Variants in LRP1B observed in about 807,000 individuals in gnomAD.
LRP1B encodes the protein LDL receptor related protein 1B, also known as low-density lipoprotein receptor-related protein 1B.
Under a neutral mutation model 556.6 loss-of-function variants are expected in LRP1B, and 217 were observed. That is an observed-to-expected ratio of 0.39 (90% CI 0.35 to 0.44). LRP1B has a LOEUF of 0.44. Among genes scored for constraint, LRP1B ranks in the 20% least tolerant of loss-of-function variants. LRP1B has a pLI of 1.00. For synonymous variants in LRP1B, 2,047 were observed against 1,865.8 expected (o/e 1.10, Z -2.50); for missense variants, 5,053 against 5,620.8 (o/e 0.90, Z 3.23).
intron 6 of LRP1B, among the ~76,000 whole-genome samples, chr2:141,224,151 C>CAT (rs1254359685): frequency 1.5e-5 from 2 of 135,180 alleles, no homozygotes; most frequent in South Asian, 4.4e-4. Context: ...AACAAATTGA[C>CAT]ACACACACAC....
At chr2:141,212,951 T>C (rs150059797) in intron 6 of LRP1B, among the ~76,000 whole-genome samples, 2 of 152,266 alleles carry the variant, frequency 1.3e-5, no homozygotes, top group East Asian at 1.9e-4. Flanking sequence ...AACTTCTAAA[T>C]ACAGACCCAA....
chr2:141,392,460 T>TA (rs10636398), intron 3 of LRP1B, among the ~76,000 whole-genome samples: 1,532 of 96,050 alleles, frequency 0.016, 33 homozygotes, highest in Middle Eastern at 0.024. Flanking sequence ...TGTCCTCTCT[T>TA]AAAAAAAAAA....
intron 31 of LRP1B, among the ~76,000 whole-genome samples, chr2:140,838,304 TG>T (rs1691984308): frequency 6.6e-6 from 1 of 152,210 alleles, no homozygotes; most frequent in African/African-American, 2.4e-5. Context: ...GTCCTTTGTA[TG>T]GGTCCTAATC....
At chr2:140,961,920 A>G (rs1188887286) in intron 18 of LRP1B, among the ~76,000 whole-genome samples, 1 of 152,186 alleles carries the variant, frequency 6.6e-6, no homozygotes, top group Non-Finnish European at 1.5e-5. Context: ...CTTGGCTAAG[A>G]GTTAAAAATA....
intron 28 of LRP1B, among the ~76,000 whole-genome samples, chr2:140,851,373 A>C (rs1325591517): frequency 6.6e-6 from 1 of 152,176 alleles, no homozygotes; most frequent in African/African-American, 2.4e-5. Context: ...TGCAGAGATA[A>C]ACTCTGCTAA....
intron 66 of LRP1B, among the ~76,000 whole-genome samples, chr2:140,441,641 C>T (rs185292502): frequency 5.8e-4 from 89 of 152,242 alleles, no homozygotes; most frequent in Non-Finnish European, 1.0e-3. Context: ...CATAAAAGTT[C>T]AATGAAAGTA....
intron 2 of LRP1B, among the ~76,000 whole-genome samples, chr2:141,764,494 T>C (rs1435612518): frequency 1.3e-5 from 2 of 152,138 alleles, no homozygotes; most frequent in Non-Finnish European, 2.9e-5. Flanking sequence ...AGACAGTGTC[T>C]TTTTAAGAAG....
intron 86 of LRP1B, among the ~76,000 whole-genome samples, chr2:140,261,396 G>A (rs1175085109): frequency 6.6e-6 from 1 of 151,832 alleles, no homozygotes; most frequent in Non-Finnish European, 1.5e-5. Flanking sequence ...GAGACAGTGA[G>A]CTTGAATCTA....
chr2:140,696,637 GT>G (rs1423686767), intron 41 of LRP1B, among the ~76,000 whole-genome samples: 1 of 152,102 alleles, frequency 6.6e-6, no homozygotes, highest in East Asian at 1.9e-4. Flanking sequence ...TGAGCAGCAG[GT>G]GACTCAGCAT....
chr2:141,149,070 T>C (rs1404799359), intron 7 of LRP1B, among the ~76,000 whole-genome samples: 2 of 151,918 alleles, frequency 1.3e-5, no homozygotes, highest in East Asian at 3.9e-4. Flanking sequence ...AGTGCAGTGG[T>C]GCGATCTCTC....
At chr2:141,979,720 T>C (rs1162904810) in intron 1 of LRP1B, among the ~76,000 whole-genome samples, 1 of 152,042 alleles carries the variant, frequency 6.6e-6, no homozygotes, top group African/African-American at 2.4e-5. Flanking sequence ...AATATTCCAT[T>C]TAAATTATTT....
chr2:141,427,471 TACAGCAA>T (rs1680412500), intron 3 of LRP1B, among the ~76,000 whole-genome samples: 2 of 152,236 alleles, frequency 1.3e-5, no homozygotes, highest in East Asian at 3.8e-4. Flanking sequence ...CTTCAAAGTT[TACAGCAA>T]AATTGCTGTC....
intron 21 of LRP1B, among the ~76,000 whole-genome samples, chr2:140,908,415 T>C (rs1390005380): frequency 6.7e-6 from 1 of 148,406 alleles, no homozygotes; most frequent in African/African-American, 2.5e-5. Flanking sequence ...CTGTGACTAA[T>C]TGAAAGTTTA....
chr2:142,085,074 C>T (rs1253153271), intron 1 of LRP1B, among the ~76,000 whole-genome samples: 3 of 152,126 alleles, frequency 2.0e-5, no homozygotes, highest in South Asian at 2.1e-4. Flanking sequence ...GTCCACTCCA[C>T]GTTAAAATTT....
intron 3 of LRP1B, among the ~76,000 whole-genome samples, chr2:141,267,491 G>A (rs1202320544): frequency 6.6e-6 from 1 of 152,162 alleles, no homozygotes; most frequent in East Asian, 1.9e-4. Flanking sequence ...GCATTGGACT[G>A]GCAAAGCCAG....
chr2:142,065,456 C>A (rs745978751), intron 1 of LRP1B, among the ~76,000 whole-genome samples: 28 of 151,080 alleles, frequency 1.9e-4, no homozygotes, highest in Non-Finnish European at 3.9e-4. Context: ...TAGATTGCCA[C>A]ATCTCCCTCT....
At chr2:141,128,988 A>T (rs1001444988) in intron 7 of LRP1B, among the ~76,000 whole-genome samples, 2 of 152,204 alleles carry the variant, frequency 1.3e-5, no homozygotes, top group African/African-American at 2.4e-5. Context: ...GATTATAAAA[A>T]GATATTTGAA....
At chr2:141,938,804 T>C (rs1219375570) in intron 1 of LRP1B, among the ~76,000 whole-genome samples, 1 of 152,038 alleles carries the variant, frequency 6.6e-6, no homozygotes, top group East Asian at 1.9e-4. Context: ...ATAATATATA[T>C]GGAATATTCA....
chr2:140,873,838 A>C lies in LRP1B; in HGVS notation c.4170-5575T>G, dbSNP rs114993823. On this transcript the variant is annotated intron_variant, in intron 25 of 90. Coordinates refer to ENST00000389484, the MANE Select transcript of LRP1B (RefSeq NM_018557.3). ...TATGTCCTTTTTAAACAGGTGAAAA[A>C]TTTTTCTCTAATTCAAAGCTTATTT... 6.6e-3 allele frequency among the ~76,000 whole-genome samples: 1,003 copies of C among 151,996 alleles called. 11 individuals carry two copies. Among genetic ancestry groups the C allele is most frequent in the African/African-American group, 0.023 (952 of 41,526 alleles).
Sources: allele counts gnomAD v4.1 joint callset (sites outside exome capture counted in the v4.1 genomes callset), GRCh38; gene constraint gnomAD v4.1.1; transcripts MANE v1.5; gene names NCBI Gene and HGNC (gene_info 2026-07-23, HGNC 2026-07-21).